Variants in ARSG observed in about 807,000 individuals in gnomAD.
ARSG encodes ASG.
ARSG carries 37 observed loss-of-function variants against 50.5 expected under a neutral mutation model. That is an observed-to-expected ratio of 0.73 (90% CI 0.56 to 0.96). The LOEUF (loss-of-function observed/expected upper bound fraction) is 0.96. ARSG is among the 50% of genes least tolerant of loss of function. The pLI, the probability that ARSG is intolerant of heterozygous loss-of-function variation, is 0.00. For missense variants in ARSG, 629 were observed against 675.3 expected (o/e 0.93, Z 0.76); for synonymous variants, 225 against 254.6 (o/e 0.88, Z 1.11).
chr17:68,297,678 G>T (rs1457772418), intron 1 of ARSG, among the ~76,000 whole-genome samples: 1 of 152,116 alleles, frequency 6.6e-6, no homozygotes, highest in African/African-American at 2.4e-5. Context: ...TGTTGCCCAG[G>T]TTGGTCTGGA....
rs1283544822 is a variant in ARSG, at chr17:68,409,623, A to C, written c.1303+8173A>C. 6.4e-3 allele frequency among the ~76,000 whole-genome samples: 962 copies of C among 151,082 alleles called. 12 individuals are homozygous for C. The highest frequency in any genetic ancestry group is 0.023 in the African/African-American group (924 of 41,004). On this transcript the variant is annotated intron_variant, in intron 11 of 11. Transcript: ENST00000621439. ...GATGCGGGCTCTTTTTTGGTTCCATATGAACTTTAAAGTAGTTTTTTCCAA... is the reference window on the plus strand; with the variant it reads ...GATGCGGGCTCTTTTTTGGTTCCATCTGAACTTTAAAGTAGTTTTTTCCAA...
intron 4 of ARSG, among the ~76,000 whole-genome samples, chr17:68,349,207 G>T (rs892965292): frequency 3.3e-5 from 5 of 151,666 alleles, no homozygotes; most frequent in Admixed American, 2.0e-4. Flanking sequence ...CTGAGGCAGG[G>T]GAACCGCTTG....
At chr17:68,426,293 C>T (rs1049187338), downstream of ARSG, 4 of 791,892 alleles carry the variant, frequency 5.1e-6, no homozygotes, top group African/African-American at 6.8e-5. Context: ...GGCTGTCTGT[C>T]TTCCCCCTGG....
chr17:68,377,934 T>C (rs1438198935), intron 8 of ARSG, among the ~76,000 whole-genome samples: 1 of 152,206 alleles, frequency 6.6e-6, no homozygotes, highest in Non-Finnish European at 1.5e-5. Flanking sequence ...CCCTCTTTTC[T>C]TGGGAGTCTG....
chr17:68,312,901 T>C (rs7225644), intron 2 of ARSG, among the ~76,000 whole-genome samples: 104,778 of 152,030 alleles, frequency 0.69, 38,756 homozygotes, highest in Non-Finnish European at 0.83. Flanking sequence ...GTTGCCTCCT[T>C]TTTATTTGTG....
intron 8 of ARSG, among the ~76,000 whole-genome samples, chr17:68,376,281 T>TTTG (rs1555786021): frequency 6.7e-6 from 1 of 148,652 alleles, no homozygotes; most frequent in African/African-American, 2.5e-5. Context: ...CCCTGCATTT[T>TTTG]TTTTTTTTTT....
chr17:68,335,723 A>G (rs935842566), intron 2 of ARSG, among the ~76,000 whole-genome samples: 15 of 152,298 alleles, frequency 9.8e-5, no homozygotes, highest in African/African-American at 3.4e-4. Flanking sequence ...CCTTGAAGAC[A>G]GCTGGGATTT....
chr17:68,404,987 G>T (rs954372410), intron 11 of ARSG, among the ~76,000 whole-genome samples: 2 of 152,070 alleles, frequency 1.3e-5, no homozygotes, highest in African/African-American at 4.8e-5. Context: ...AAAATCATTT[G>T]ATCATACATG....
chr17:68,356,626 C>G, intron 5 of ARSG, 41 bp from the exon 6 acceptor site: 1 of 1,610,860 alleles, frequency 6.2e-7, no homozygotes, highest in Non-Finnish European at 8.5e-7. Context: ...TCCGTGAGTA[C>G]GTAGGAAATG....
At chr17:68,425,473 G>A (rs1361787829), downstream of ARSG, among the ~76,000 whole-genome samples, 7 of 148,812 alleles carry the variant, frequency 4.7e-5, no homozygotes, top group African/African-American at 1.7e-4. Context: ...CTCCAGCCTC[G>A]GCCTCCCAAA....
chr17:68,382,143 G>A (rs2080466504), intron 8 of ARSG, among the ~76,000 whole-genome samples: 1 of 151,986 alleles, frequency 6.6e-6, no homozygotes, highest in African/African-American at 2.4e-5. Flanking sequence ...TAGAGATGGG[G>A]TTTCACCATG....
intron 8 of ARSG, among the ~76,000 whole-genome samples, chr17:68,374,462 T>C (rs1158067622): frequency 6.6e-6 from 1 of 152,216 alleles, no homozygotes; most frequent in African/African-American, 2.4e-5. Flanking sequence ...CTTGCCTTAT[T>C]GATCTCTTCT....
chr17:68,379,553 C>T (rs2080328119), intron 8 of ARSG, among the ~76,000 whole-genome samples: 1 of 146,226 alleles, frequency 6.8e-6, no homozygotes, highest in South Asian at 2.2e-4. Flanking sequence ...GCTGGTGTTA[C>T]AAGTGCGAGC....
intron 1 of ARSG, among the ~76,000 whole-genome samples, chr17:68,265,779 T>G (rs1555746245): frequency 6.6e-6 from 1 of 151,166 alleles, no homozygotes; most frequent in Non-Finnish European, 1.5e-5. Flanking sequence ...CATTTTTATG[T>G]GATTGAAAAA....
At chr17:68,382,261 A>G (rs531736139) in intron 8 of ARSG, among the ~76,000 whole-genome samples, 2 of 152,192 alleles carry the variant, frequency 1.3e-5, no homozygotes, top group South Asian at 2.1e-4. Context: ...ATCATTTTCT[A>G]GCTATGTGAC....
chr17:68,435,349 T>A, the ARSG span, among the ~76,000 whole-genome samples: 1 of 152,254 alleles, frequency 6.6e-6, no homozygotes. Context: ...TCTCTACGGC[T>A]GATGTACACG....
At chr17:68,268,268 G>A (rs71387392) in intron 1 of ARSG, 7,201 of 152,266 alleles carry the variant, frequency 0.047, 194 homozygotes, top group African/African-American at 0.068. Context: ...AATAAATAGC[G>A]GTTTAAATTA....
chr17:68,272,782 T>C (rs2075383067), intron 1 of ARSG: 1 of 1,613,142 alleles, frequency 6.2e-7, no homozygotes, highest in African/African-American at 1.3e-5. Context: ...GAAAGAAAAG[T>C]CAAAAAAGCC....
chr17:68,448,635 A>C, the ARSG span, among the ~76,000 whole-genome samples: 1 of 152,192 alleles, frequency 6.6e-6, no homozygotes. Flanking sequence ...GAAATCATAC[A>C]AGCAAATACA....
Sources: allele counts gnomAD v4.1 joint callset (sites outside exome capture counted in the v4.1 genomes callset), GRCh38; gene constraint gnomAD v4.1.1; transcripts MANE v1.5; gene names NCBI Gene and HGNC (gene_info 2026-07-23, HGNC 2026-07-21).